The following SPOPL variants were observed in gnomAD, a reference collection of about 807,000 sequenced individuals.
SPOPL encodes speckle type BTB/POZ protein like, also known as speckle-type POZ protein-like.
Under a neutral mutation model 53.8 loss-of-function variants are expected in SPOPL, and 23 were observed. That is an observed-to-expected ratio of 0.43 (90% CI 0.31 to 0.61). SPOPL has a LOEUF of 0.61. Among genes scored for constraint, SPOPL ranks in the 20% least tolerant of loss-of-function variants. The pLI is 0.12. For missense variants in SPOPL, 442 were observed against 466.9 expected (o/e 0.95, Z 0.49); for synonymous variants, 164 against 149.7 (o/e 1.10, Z -0.70).
chr2:138,544,219 G>A (rs1685139350), intron 1 of SPOPL, among the ~76,000 whole-genome samples: 1 of 152,198 alleles, frequency 6.6e-6, no homozygotes, highest in Non-Finnish European at 1.5e-5. Context: ...GTTCTCAGAT[G>A]TCCAGCTGCG....
chr2:138,560,713 A>G (rs914032116), intron 7 of SPOPL, 92 bp from the exon 8 acceptor site: 3 of 1,340,104 alleles, frequency 2.2e-6, no homozygotes, highest in Admixed American at 5.4e-5. Flanking sequence ...GTGTAGATTT[A>G]GGGCTTTTAA....
At chr2:138,552,102 CT>C (rs1250272867) in intron 4 of SPOPL, among the ~76,000 whole-genome samples, 1 of 151,914 alleles carries the variant, frequency 6.6e-6, no homozygotes, top group Non-Finnish European at 1.5e-5. Flanking sequence ...GTCAGGAAAG[CT>C]TAAACATGCC....
chr2:138,505,495 A>G (rs905759981), intron 1 of SPOPL, among the ~76,000 whole-genome samples: 2 of 150,576 alleles, frequency 1.3e-5, no homozygotes, highest in African/African-American at 4.9e-5. Flanking sequence ...CTTGGCTCAT[A>G]CCTATAATCC....
chr2:138,522,495 G>A (rs56780647), intron 1 of SPOPL, among the ~76,000 whole-genome samples: 2,900 of 151,970 alleles, frequency 0.019, 88 homozygotes, highest in African/African-American at 0.065. Flanking sequence ...TATTACCAAC[G>A]CCAGTTACTT....
intron 1 of SPOPL, among the ~76,000 whole-genome samples, chr2:138,539,741 G>A (rs557794938): frequency 3.3e-5 from 5 of 152,274 alleles, no homozygotes; most frequent in African/African-American, 9.6e-5. Context: ...CTGTCCAGAA[G>A]CTCTTTAGTT....
chr2:138,532,583 C>T (rs573107846), intron 1 of SPOPL, among the ~76,000 whole-genome samples: 77 of 149,044 alleles, frequency 5.2e-4, no homozygotes, highest in Non-Finnish European at 7.4e-4. Context: ...CCTACCACCA[C>T]GCCCGGCTAA....
intron 1 of SPOPL, among the ~76,000 whole-genome samples, chr2:138,535,049 A>G (rs965308704): frequency 1.3e-5 from 2 of 152,184 alleles, no homozygotes; most frequent in Non-Finnish European, 2.9e-5. Context: ...CCAGGAGTTC[A>G]GGACCAAACT....
chr2:138,513,301 C>G (rs1167627732), intron 1 of SPOPL, among the ~76,000 whole-genome samples: 3 of 152,214 alleles, frequency 2.0e-5, no homozygotes, highest in Non-Finnish European at 2.9e-5. Context: ...CGCCGGTAAT[C>G]CCAGCACTTT....
intron 1 of SPOPL, among the ~76,000 whole-genome samples, chr2:138,508,840 A>G (rs1684267999): frequency 1.3e-5 from 2 of 152,034 alleles, no homozygotes; most frequent in Admixed American, 1.3e-4. Context: ...CCTTGGTTTT[A>G]AGTTTTGTTA....
Position 138,564,733 on chromosome 2 carries a change from T to C in SPOPL, c.863T>C (p.Met288Thr). The change falls in exon 9 of 11, where the codon ATG becomes ACG. Residue 288 changes from methionine (M) to threonine (T), a missense_variant. Coordinates refer to ENST00000280098, the MANE Select transcript of SPOPL (RefSeq NM_001001664.3). The stretch of plus-strand genomic sequence containing the variant: ...TATGCACTGGAACGGCTGAAGGTCA[T>C]GTGCGAAGAAGCTTTGTGTAGTAAC... Reference protein sequence around the residue: ...DKYALERLKVMCEEALCSNLS... With the variant: ...DKYALERLKVTCEEALCSNLS... 1 of 1,614,174 alleles carries C rather than the reference T, an allele frequency of 6.2e-7. No individual in the cohort carries two copies. The highest frequency in any genetic ancestry group is 8.5e-7 in the Non-Finnish European group (1 of 1,180,014).
rs1336780298 is a variant in SPOPL at position 138,571,427 on chromosome 2, CA to C, written c.*2352del. The C allele has an allele frequency of 6.6e-6, 1 of 152,104 alleles. No individual in the cohort carries two copies. Among genetic ancestry groups the C allele is most frequent in the African/African-American group, 2.4e-5 (1 of 41,282 alleles). 9.4% of individuals were successfully genotyped at this position (152,104 alleles called of 1,614,324 possible). ...TTTAGTTTGGTAGCACATTTTGTAC[CA>C]AAAATGTCAAACACTGTGCTGTAAG... On this transcript the variant is annotated 3_prime_UTR_variant, in exon 11 of 11. Coordinates refer to ENST00000280098, the MANE Select transcript of SPOPL (RefSeq NM_001001664.3).
At position 138,550,594 on chromosome 2, in the gene SPOPL, A is replaced by G; in HGVS notation, c.190A>G (p.Lys64Glu). 6.3e-7 allele frequency: 1 copy of G among 1,598,228 alleles called. No individual in the cohort carries two copies. The highest frequency in any genetic ancestry group is 8.5e-7 in the Non-Finnish European group (1 of 1,171,602). Reference protein sequence around the residue: ...SSTFSSGPSDKMKWCLRVNPK... With the variant: ...SSTFSSGPSDEMKWCLRVNPK... The stretch of plus-strand genomic sequence containing the variant: ...AACATTTTCATCTGGCCCAAGTGAC[A>G]AAATGAAATGGTAAGATTTTTGTTT... The change falls in exon 3 of 11, where the codon AAA (lysine) becomes GAA (glutamate). Residue 64 changes from lysine (K) to glutamate (E), a missense_variant. Physicochemically the swap from Lys to Glu is moderately conservative, Grantham distance 56. Transcript: ENST00000280098.
chr2:138,555,668 G>T (rs1234811679), intron 5 of SPOPL, among the ~76,000 whole-genome samples: 1 of 152,172 alleles, frequency 6.6e-6, no homozygotes, highest in African/African-American at 2.4e-5. Flanking sequence ...GGAAAATTCA[G>T]ATTTCGAAAA....
At chr2:138,562,855 TAAAAG>T (rs1685579886) in intron 8 of SPOPL, among the ~76,000 whole-genome samples, 1 of 130,970 alleles carries the variant, frequency 7.6e-6, no homozygotes, top group Admixed American at 7.3e-5. Flanking sequence ...AAAGAAAACA[TAAAAG>T]AAAGTGTTTG....
At chr2:138,514,702 G>T (rs972698056) in intron 1 of SPOPL, among the ~76,000 whole-genome samples, 3 of 152,118 alleles carry the variant, frequency 2.0e-5, no homozygotes, top group Non-Finnish European at 2.9e-5. Context: ...TCCCATGTGT[G>T]CATTTCCCTG....
At chr2:138,509,548 A>C (rs1684284524) in intron 1 of SPOPL, among the ~76,000 whole-genome samples, 1 of 152,088 alleles carries the variant, frequency 6.6e-6, no homozygotes, top group South Asian at 2.1e-4. Flanking sequence ...TGTAAAATAG[A>C]TTTGTATCTC....
intron 5 of SPOPL, among the ~76,000 whole-genome samples, chr2:138,555,286 G>A (rs1454056038): frequency 6.6e-6 from 1 of 152,082 alleles, no homozygotes; most frequent in Non-Finnish European, 1.5e-5. Flanking sequence ...CAACATTGTT[G>A]CATTGGGTAT....
intron 5 of SPOPL, 42 bp from the exon 6 acceptor site, chr2:138,558,980 T>TA (rs1685485025): frequency 6.6e-7 from 1 of 1,512,244 alleles, no homozygotes; most frequent in African/African-American, 1.4e-5. Context: ...TTACTGATAT[T>TA]ACTTTGTGAA....
intron 5 of SPOPL, among the ~76,000 whole-genome samples, chr2:138,554,215 T>C (rs1685373909): frequency 6.6e-6 from 1 of 152,044 alleles, no homozygotes; most frequent in Non-Finnish European, 1.5e-5. Flanking sequence ...ATATGCTACA[T>C]GCTAGTGACC....
Sources: allele counts gnomAD v4.1 joint callset (sites outside exome capture counted in the v4.1 genomes callset), GRCh38; gene constraint gnomAD v4.1.1; transcripts MANE v1.5; gene names NCBI Gene and HGNC (gene_info 2026-07-23, HGNC 2026-07-21).